The following GSKIP variants were observed in gnomAD, a reference collection of about 807,000 sequenced individuals.
GSKIP encodes the protein GSK3B interacting protein.
Under a neutral mutation model 11.9 loss-of-function variants are expected in GSKIP, and 5 were observed. The ratio of observed to expected loss-of-function variants is 0.42; its 90% CI spans 0.22 to 0.89. GSKIP has a LOEUF of 0.89. Among genes scored for constraint, GSKIP ranks in the 40% least tolerant of loss-of-function variants. The pLI is 0.29. For synonymous variants in GSKIP, 70 were observed against 62.9 expected, an observed-to-expected ratio of 1.11 and a Z score of -0.54; for missense variants, 150 against 166.6, an observed-to-expected ratio of 0.90 and a Z score of 0.55.
intron 3 of GSKIP, 126 bp from the exon 4 acceptor site, chr14:96,385,397 G>T: frequency 9.1e-6 from 6 of 659,862 alleles, no homozygotes; most frequent in Non-Finnish European, 1.0e-5. Context: ...TGTATCTGGT[G>T]GTCTAGTGGC....
At chr14:96,373,779 G>A (rs1424672208) in intron 1 of GSKIP, among the ~76,000 whole-genome samples, 1 of 152,176 alleles carries the variant, frequency 6.6e-6, no homozygotes, top group Non-Finnish European at 1.5e-5. Flanking sequence ...CGCAGATCTT[G>A]TCTAAAAGCA....
Position 96,366,127 on chromosome 14 carries a change from C to G in GSKIP, c.-103+2559C>G, listed in dbSNP as rs528508552. Reference sequence around the variant, plus strand: ...TAAGACATGTTTGTAAATAATAATTCTAATATTTGCCATAAAAGGAATACA... The same window carrying G: ...TAAGACATGTTTGTAAATAATAATTGTAATATTTGCCATAAAAGGAATACA... On this transcript the variant is annotated intron_variant, in intron 1 of 3. Transcript: ENST00000555181. Among the ~76,000 whole-genome samples the G allele has an allele frequency of 2.6e-5, 4 of 151,902 alleles. 1 individual carries two copies. The highest frequency in any genetic ancestry group is 7.3e-5 in the African/African-American group (3 of 41,378).
rs1229910752 is a variant in GSKIP, at chr14:96,382,335, A to G, written c.88A>G (p.Met30Val). 6.2e-7 allele frequency: 1 copy of G among 1,613,888 alleles called. No individual in the cohort carries two copies. Among genetic ancestry groups the G allele is most frequent in the East Asian group, 2.2e-5 (1 of 44,864 alleles). ...GCTGAACGGTTTTGAAGGAACTGACATGAAAGACATGAGGCTCGAAGCTGA... is the reference window on the plus strand; with the variant it reads ...GCTGAACGGTTTTGAAGGAACTGACGTGAAAGACATGAGGCTCGAAGCTGA... ...SELNGFEGTDMKDMRLEAEAV... is the reference protein window; with the variant it reads ...SELNGFEGTDVKDMRLEAEAV... Residue 30 changes from methionine (M) to valine (V), a missense_variant, in exon 3 of 4, where the codon ATG (methionine) becomes GTG (valine). Physicochemically the swap from Met to Val is conservative, Grantham distance 21. Transcript: ENST00000555181.
chr14:96,386,496 CTGTGTTGATTCTTATTCTGAA>C lies in GSKIP; in HGVS notation c.*818_*838del. On this transcript the variant is annotated 3_prime_UTR_variant, in exon 4 of 4. Transcript: ENST00000555181. The stretch of plus-strand genomic sequence containing the variant: ...GTTTCCTAGAAAACAATATTTTGGC[CTGTGTTGATTCTTATTCTGAA>C]TGTGTGTTTACATAATGTACAGTAT... The C allele has an allele frequency of 6.6e-6, 1 of 152,614 alleles. No homozygotes were observed. Among genetic ancestry groups the C allele is most frequent in the Admixed American group, 6.5e-5 (1 of 15,278 alleles). The allele number at this position is 152,614 out of a possible 1,614,324, so 9.5% of individuals were successfully genotyped here. A position where few individuals can be genotyped will look rare whatever the true frequency, so the allele number is the denominator to read the frequency against.
intron 2 of GSKIP, among the ~76,000 whole-genome samples, chr14:96,380,870 C>A (rs1478761494): frequency 6.6e-6 from 1 of 152,132 alleles, no homozygotes; most frequent in East Asian, 1.9e-4. Flanking sequence ...GAGACCTTGT[C>A]TCTTAAAATA....
At chr14:96,368,690 G>A (rs903385614) in intron 1 of GSKIP, among the ~76,000 whole-genome samples, 2 of 152,002 alleles carry the variant, frequency 1.3e-5, no homozygotes, top group East Asian at 3.9e-4. Context: ...CTTTCTCTCT[G>A]TATCTCTCTG....
intron 3 of GSKIP, 63 bp downstream of exon 3, chr14:96,382,568 G>A (rs1419372715): frequency 8.1e-7 from 1 of 1,236,142 alleles, no homozygotes; most frequent in African/African-American, 1.5e-5. Context: ...ATCAAAAAGA[G>A]GGGTAGTGGG....
At chr14:96,380,233 G>A (rs1209316412) in intron 2 of GSKIP, 1 of 152,196 alleles carries the variant, frequency 6.6e-6, no homozygotes, top group Non-Finnish European at 1.5e-5. Flanking sequence ...ACGAGATAAA[G>A]AGTCTTTAAA....
chr14:96,382,275 C>A lies in GSKIP; in HGVS notation c.28C>A (p.Leu10Ile). The change falls in exon 3 of 4, where the codon CTA becomes ATA. Residue 10 changes from leucine to isoleucine, a missense_variant. Physicochemically the swap from Leu to Ile is conservative, Grantham distance 5. Coordinates refer to ENST00000555181, the MANE Select transcript of GSKIP (RefSeq NM_016472.5). METDCNPMELSSMSGFEEGS... is the reference protein window; with the variant it reads METDCNPMEISSMSGFEEGS... ...GGAAACAGACTGTAATCCCATGGAG[C>A]TAAGCAGTATGTCAGGATTTGAAGA... is the stretch of plus-strand genomic sequence containing the variant. 1 of 1,608,960 alleles carries A rather than the reference C, an allele frequency of 6.2e-7. No homozygotes were observed. Among genetic ancestry groups the A allele is most frequent in the Non-Finnish European group, 8.5e-7 (1 of 1,177,090 alleles).
At chr14:96,383,502 C>T (rs189062707) in intron 3 of GSKIP, among the ~76,000 whole-genome samples, 18 of 152,206 alleles carry the variant, frequency 1.2e-4, no homozygotes, top group African/African-American at 2.6e-4. Flanking sequence ...AATCTTCAGT[C>T]TTAGAAAATG....
intron 1 of GSKIP, among the ~76,000 whole-genome samples, chr14:96,371,440 ATCTTTT>A (rs1330191177): frequency 7.5e-6 from 1 of 134,094 alleles, no homozygotes; most frequent in Non-Finnish European, 1.6e-5. Context: ...GCTATCAACA[ATCTTTT>A]TTTTTTTTTT....
intron 1 of GSKIP, among the ~76,000 whole-genome samples, chr14:96,366,055 G>T (rs949708787): frequency 6.6e-5 from 10 of 152,044 alleles, no homozygotes; most frequent in African/African-American, 2.4e-4. Context: ...CGGTAGCGGT[G>T]AAAATGATTA....
chr14:96,375,827 TC>T (rs555311940), intron 1 of GSKIP, among the ~76,000 whole-genome samples: 107 of 152,176 alleles, frequency 7.0e-4, no homozygotes, highest in African/African-American at 2.5e-3. Context: ...CTCTGCAGAG[TC>T]CTGAGGTGGC....
intron 3 of GSKIP, among the ~76,000 whole-genome samples, chr14:96,383,666 C>T (rs1487672329): frequency 6.6e-6 from 1 of 152,282 alleles, no homozygotes; most frequent in Non-Finnish European, 1.5e-5. Flanking sequence ...GAAGATGAGT[C>T]GTGTATACTG....
chr14:96,376,805 T>C (rs1019750018), intron 1 of GSKIP, among the ~76,000 whole-genome samples: 2 of 152,204 alleles, frequency 1.3e-5, no homozygotes, highest in African/African-American at 4.8e-5. Flanking sequence ...ATTCTAGTGC[T>C]TAAAAAAAAG....
At position 96,386,244 on chromosome 14, in the gene GSKIP, T is replaced by A. The variant is rs528427574; in HGVS notation, c.*560T>A. On this transcript the variant is annotated 3_prime_UTR_variant, in exon 4 of 4. Coordinates refer to ENST00000555181, the MANE Select transcript of GSKIP (RefSeq NM_016472.5). ...TGGATTAATAAAGATGAATTAATTATATATTACTTAACTAGTATTAAATGA... is the reference window on the plus strand; with the variant it reads ...TGGATTAATAAAGATGAATTAATTAAATATTACTTAACTAGTATTAAATGA... 6.6e-6 allele frequency: 1 copy of A among 152,528 alleles called. No individual in the cohort carries two copies. The highest frequency in any genetic ancestry group is 1.5e-5 in the Non-Finnish European group (1 of 68,036). 9.4% of individuals were successfully genotyped at this position (152,528 alleles called of 1,614,324 possible).
intron 1 of GSKIP, among the ~76,000 whole-genome samples, chr14:96,377,526 C>G (rs1488006116): frequency 1.3e-5 from 2 of 152,050 alleles, no homozygotes; most frequent in Non-Finnish European, 2.9e-5. Flanking sequence ...CCATCTTTAC[C>G]TTCTGTTTAA....
intron 1 of GSKIP, among the ~76,000 whole-genome samples, chr14:96,366,204 G>C (rs1189264152): frequency 6.6e-6 from 1 of 152,032 alleles, no homozygotes; most frequent in African/African-American, 2.4e-5. Context: ...AATTAGAATA[G>C]GCTTTGGAAG....
At chr14:96,377,678 A>C (rs913199516) in intron 1 of GSKIP, among the ~76,000 whole-genome samples, 1 of 152,208 alleles carries the variant, frequency 6.6e-6, no homozygotes, top group Non-Finnish European at 1.5e-5. Flanking sequence ...GTGTCGGTCA[A>C]CATAGCAACC....
Sources: allele counts gnomAD v4.1 joint callset (sites outside exome capture counted in the v4.1 genomes callset), GRCh38; gene constraint gnomAD v4.1.1; transcripts MANE v1.5; gene names NCBI Gene and HGNC (gene_info 2026-07-23, HGNC 2026-07-21).